The following UNC13C variants were observed in gnomAD, a reference collection of about 807,000 sequenced individuals.
The protein encoded by UNC13C is protein unc-13 homolog C.
Under a neutral mutation model 245.4 loss-of-function variants are expected in UNC13C, and 174 were observed. The ratio of observed to expected loss-of-function variants is 0.71; its 90% CI spans 0.63 to 0.80. UNC13C has a LOEUF of 0.80. Ranked by LOEUF, UNC13C falls within the 30% of genes least tolerant of loss-of-function variation. The probability of loss-of-function intolerance (pLI) is 0.00; values close to 1 mark genes in which losing one functional copy is unlikely to be tolerated. For missense variants in UNC13C, 2,829 were observed against 2,602.9 expected, an observed-to-expected ratio of 1.09 and a Z score of -1.89; for synonymous variants, 992 against 895.1, an observed-to-expected ratio of 1.11 and a Z score of -1.93.
intron 27 of UNC13C, among the ~76,000 whole-genome samples, chr15:54,547,529 C>T (rs1487136023): frequency 6.6e-6 from 1 of 151,950 alleles, no homozygotes; most frequent in African/African-American, 2.4e-5. Context: ...TAAATTGATG[C>T]AAATAATGAG....
chr15:54,278,956 T>C (rs1205684907), intron 10 of UNC13C, among the ~76,000 whole-genome samples: 1 of 152,220 alleles, frequency 6.6e-6, no homozygotes, highest in African/African-American at 2.4e-5. Flanking sequence ...GGTTGTTTTA[T>C]GTTTTATTAC....
intron 29 of UNC13C, among the ~76,000 whole-genome samples, chr15:54,564,420 T>C (rs936898935): frequency 1.3e-5 from 2 of 152,066 alleles, no homozygotes; most frequent in Non-Finnish European, 2.9e-5. Flanking sequence ...TTTCATTTCC[T>C]GATTAGTCCC....
chr15:54,622,479 A>G, intron 31 of UNC13C, 60 bp downstream of exon 31: 1 of 1,224,434 alleles, frequency 8.2e-7, no homozygotes, highest in Non-Finnish European at 1.2e-6. Flanking sequence ...CAGTACTGAT[A>G]TCAGCAATGT....
At chr15:54,616,007 C>G (rs1327797727) in intron 30 of UNC13C, among the ~76,000 whole-genome samples, 3 of 152,052 alleles carry the variant, frequency 2.0e-5, no homozygotes, top group Admixed American at 6.6e-5. Flanking sequence ...TAAAATTCTT[C>G]CATCTAAATA....
intron 2 of UNC13C, among the ~76,000 whole-genome samples, chr15:54,041,310 C>T (rs1198221148): frequency 6.6e-6 from 1 of 152,148 alleles, no homozygotes; most frequent in African/African-American, 2.4e-5. Flanking sequence ...TAATTAAACA[C>T]TCTCATAACA....
intron 4 of UNC13C, among the ~76,000 whole-genome samples, 176 bp downstream of exon 4, chr15:54,143,860 C>T (rs921125324): frequency 5.3e-5 from 8 of 151,240 alleles, no homozygotes; most frequent in Admixed American, 2.0e-4. Flanking sequence ...TACATGTTAA[C>T]TATAAAACAA....
chr15:54,318,766 T>C lies in UNC13C; in HGVS notation c.4269-3173T>C, dbSNP rs549914458. 3.3e-5 allele frequency among the ~76,000 whole-genome samples: 5 copies of C among 152,062 alleles called. No homozygotes were observed. In the East Asian group the frequency reaches 7.8e-4, roughly 24 times the overall value. On this transcript the variant is annotated intron_variant, in intron 13 of 32. Transcript: ENST00000260323. ...GCAGAAACTTTTTAATTTGATGTGCTCTTGTTTATCTGGTTTTGCTTCTTT... is the reference window on the plus strand; with the variant it reads ...GCAGAAACTTTTTAATTTGATGTGCCCTTGTTTATCTGGTTTTGCTTCTTT...
intron 30 of UNC13C, among the ~76,000 whole-genome samples, chr15:54,605,936 G>A (rs1240086754): frequency 6.6e-6 from 1 of 152,154 alleles, no homozygotes; most frequent in South Asian, 2.1e-4. Context: ...CTAGAGCCAA[G>A]TGTTATACCC....
intron 2 of UNC13C, among the ~76,000 whole-genome samples, chr15:54,115,635 A>C (rs887471402): frequency 6.6e-6 from 1 of 152,272 alleles, no homozygotes; most frequent in East Asian, 1.9e-4. Context: ...ATTTTATTTT[A>C]ATTTTTTCTT....
At chr15:53,908,092 A>C in the UNC13C span, among the ~76,000 whole-genome samples, 1 of 146,878 alleles carries the variant, frequency 6.8e-6, no homozygotes, top group African/African-American at 2.4e-5. Context: ...ACTTGTTAGC[A>C]TTTCTTATAA....
At chr15:54,299,544 C>T (rs2037522440) in intron 12 of UNC13C, among the ~76,000 whole-genome samples, 1 of 152,152 alleles carries the variant, frequency 6.6e-6, no homozygotes, top group African/African-American at 2.4e-5. Flanking sequence ...AAAACACTCA[C>T]TTCCTTCTGC....
At chr15:53,988,774 C>T (rs1030520804) in intron 1 of UNC13C, among the ~76,000 whole-genome samples, 1 of 151,920 alleles carries the variant, frequency 6.6e-6, no homozygotes, top group Non-Finnish European at 1.5e-5. Flanking sequence ...GTTGAAATTG[C>T]TCACTTTCCA....
At chr15:53,866,319 C>A in the UNC13C span, among the ~76,000 whole-genome samples, 5 of 152,020 alleles carry the variant, frequency 3.3e-5, no homozygotes, top group Non-Finnish European at 5.9e-5. Flanking sequence ...ATAAACACAA[C>A]TAATGAAGAT....
At chr15:54,260,583 T>A (rs1216120258) in intron 8 of UNC13C, among the ~76,000 whole-genome samples, 2 of 148,938 alleles carry the variant, frequency 1.3e-5, no homozygotes, top group African/African-American at 4.9e-5. Context: ...TGTATATGTA[T>A]GTATATTATG....
intron 18 of UNC13C, among the ~76,000 whole-genome samples, chr15:54,404,208 G>T (rs1377739540): frequency 6.6e-6 from 1 of 152,080 alleles, no homozygotes; most frequent in Non-Finnish European, 1.5e-5. Context: ...TTACTTATTT[G>T]TAATAATTAA....
intron 8 of UNC13C, among the ~76,000 whole-genome samples, chr15:54,259,177 A>T (rs573163008): frequency 6.6e-6 from 1 of 152,222 alleles, no homozygotes; most frequent in East Asian, 1.9e-4. Context: ...ACATTATCAC[A>T]TCGGAGATTA....
chr15:54,580,048 A>G (rs35584128), intron 30 of UNC13C, among the ~76,000 whole-genome samples: 63,518 of 152,048 alleles, frequency 0.42, 13,756 homozygotes, highest in East Asian at 0.58. Context: ...TTGTGGAAAT[A>G]CTGACATGTC....
In UNC13C at chr15:54,038,120, A is replaced by ACG. The variant is rs1896656082; in HGVS notation, c.2983+22234_2983+22235insCG. Among the ~76,000 whole-genome samples the ACG allele has an allele frequency of 1.3e-4, 6 of 45,200 alleles. 1 individual carries two copies. The South Asian group carries it at 3.8e-3, about 28-fold the overall frequency. 29.7% of individuals were successfully genotyped at this position (45,200 alleles called of 152,430 possible). On this transcript the variant is annotated intron_variant, in intron 2 of 32. Transcript: ENST00000260323. Reference sequence around the variant, plus strand: ...TATACATATATATATATATATATATATATATTTTTTTTTTTTTTTTCCTGA... The same window carrying ACG: ...TATACATATATATATATATATATATACGTATATTTTTTTTTTTTTTTTCCTGA...
intron 4 of UNC13C, among the ~76,000 whole-genome samples, chr15:54,176,063 G>C (rs961843707): frequency 6.7e-6 from 1 of 148,892 alleles, no homozygotes; most frequent in Non-Finnish European, 1.5e-5. Context: ...CTCTTTTTTT[G>C]TTGCTTGTGG....
Sources: gnomAD v4.1 joint callset for allele counts (sites outside exome capture counted in the v4.1 genomes callset) on GRCh38, gnomAD v4.1.1 for gene constraint, MANE v1.5 for transcripts, NCBI Gene and HGNC (gene_info 2026-07-23, HGNC 2026-07-21) for gene names.